SCN3B: variants seen among roughly 807,000 people sequenced by gnomAD.
SCN3B encodes sodium voltage-gated channel beta subunit 3, also known as sodium channel regulatory subunit beta-3.
In SCN3B, 11 loss-of-function variants were observed where a neutral mutation model predicts 25.4. The observed-to-expected ratio is 0.43, with a 90% CI of 0.27 to 0.72. The LOEUF is 0.72. Ranked by LOEUF, SCN3B falls within the 30% of genes least tolerant of loss-of-function variation. The probability of loss-of-function intolerance (pLI) is 0.18; values close to 1 mark genes in which losing one functional copy is unlikely to be tolerated. For missense variants in SCN3B, 218 were observed against 278.3 expected, an observed-to-expected ratio of 0.78 and a Z score of 1.54; for synonymous variants, 109 against 110.7, an observed-to-expected ratio of 0.99 and a Z score of 0.09.
At chr11:123,635,277 T>A (rs1057337110) in intron 5 of SCN3B, among the ~76,000 whole-genome samples, 1 of 152,214 alleles carries the variant, frequency 6.6e-6, no homozygotes, top group Non-Finnish European at 1.5e-5. Flanking sequence ...GTCATCTCTC[T>A]CACATATCAG....
At position 123,637,947 on chromosome 11, in the gene SCN3B, T is replaced by G. The variant is rs7128204; in HGVS notation, c.584+239A>C. Among the ~76,000 whole-genome samples the G allele has an allele frequency of 2.4e-3, 366 of 152,250 alleles. 1 individual carries two copies. Among genetic ancestry groups the G allele is most frequent in the African/African-American group, 8.4e-3 (349 of 41,546 alleles). ...TTCAAACATCACTTTGTTTCCTAAG[T>G]GATGTTTGAATTAAGCAAATGTTTA... On this transcript the variant is annotated intron_variant, in intron 5 of 6. Coordinates refer to ENST00000299333, the MANE Select transcript of SCN3B (RefSeq NM_001040151.2).
At chr11:123,654,145 C>T in intron 1 of SCN3B, 81 bp downstream of exon 1, 1 of 438,222 alleles carries the variant, frequency 2.3e-6, no homozygotes. Context: ...CGCTCGTTTG[C>T]GCCCAGGGTA....
In SCN3B at chr11:123,642,591, C is replaced by T; in HGVS notation, c.300G>A (p.Leu100=). 6.2e-7 allele frequency: 1 copy of T among 1,614,228 alleles called. No individual in the cohort carries two copies. The highest frequency in any genetic ancestry group is 8.5e-7 in the Non-Finnish European group (1 of 1,180,038). The change falls in exon 4 of 7, where the codon CTG becomes CTA. Residue 100 remains leucine, a synonymous_variant. Coordinates refer to ENST00000299333, the MANE Select transcript of SCN3B (RefSeq NM_001040151.2). The surrounding 1 kb of genome is among the most constrained non-coding windows in gnomAD (Gnocchi z 4.3). The part of the protein sequence containing the change: ...GRLQWNGSKD[L]QDVSITVLNV... ...TGAGCACAGTGATGGACACGTCCTGCAGGTCCTTGCTGCCATTCCACTGCA... is the reference window on the plus strand; with the variant it reads ...TGAGCACAGTGATGGACACGTCCTGTAGGTCCTTGCTGCCATTCCACTGCA...
intron 3 of SCN3B, among the ~76,000 whole-genome samples, chr11:123,644,575 C>T (rs1955825260): frequency 6.6e-6 from 1 of 151,966 alleles, no homozygotes; most frequent in African/African-American, 2.4e-5. Context: ...AGTTTGAGAC[C>T]AGCCTGGCCA....
chr11:123,643,595 T>C (rs1275398172), intron 3 of SCN3B, among the ~76,000 whole-genome samples: 1 of 152,278 alleles, frequency 6.6e-6, no homozygotes, highest in Admixed American at 6.5e-5. Context: ...ACAGCACAGA[T>C]AGAGAAGGTT....
chr11:123,641,548 C>G (rs1955791579), intron 4 of SCN3B, among the ~76,000 whole-genome samples: 1 of 152,168 alleles, frequency 6.6e-6, no homozygotes, highest in Non-Finnish European at 1.5e-5. Context: ...ATGCCCCACA[C>G]TTTGGCCTGC....
rs139953589 is a variant in SCN3B, at chr11:123,648,281, G to A, written c.56-2531C>T. 7.9e-5 allele frequency among the ~76,000 whole-genome samples: 12 copies of A among 152,320 alleles called. No individual in the cohort carries two copies. In the East Asian group the frequency reaches 2.3e-3, roughly 29 times the overall value. On this transcript the variant is annotated intron_variant, in intron 2 of 6. Coordinates refer to ENST00000299333, the MANE Select transcript of SCN3B (RefSeq NM_001040151.2). The stretch of plus-strand genomic sequence containing the variant: ...ATCTGGCAACTGAAGAGTTGGGTTT[G>A]ATGTACTATGTAATCTCTCTGGACT...
chr11:123,638,117 C>T (rs1459543172), intron 5 of SCN3B, 69 bp downstream of exon 5: 28 of 1,584,124 alleles, frequency 1.8e-5, no homozygotes, highest in Non-Finnish European at 2.2e-5. Context: ...CTGCTTAGCA[C>T]CTCACCTGTG....
intron 5 of SCN3B, among the ~76,000 whole-genome samples, chr11:123,637,198 T>C (rs1029953316): frequency 2.0e-5 from 3 of 152,144 alleles, no homozygotes; most frequent in Non-Finnish European, 4.4e-5. Context: ...CTAGAGTCTC[T>C]GAGCAAATGG....
chr11:123,650,334 A>G (rs1157320948), intron 2 of SCN3B, among the ~76,000 whole-genome samples: 1 of 152,184 alleles, frequency 6.6e-6, no homozygotes, highest in Non-Finnish European at 1.5e-5. Flanking sequence ...TTTCCTCCTG[A>G]GATTGCTCTA....
chr11:123,653,595 C>T, intron 2 of SCN3B, 152 bp downstream of exon 2: 1 of 881,256 alleles, frequency 1.1e-6, no homozygotes. Context: ...AATCCCAGCT[C>T]TCATGGAACC....
Position 123,632,593 on chromosome 11 carries a change from G to C in SCN3B, c.*1206C>G, listed in dbSNP as rs72553904. On this transcript the variant is annotated 3_prime_UTR_variant, in exon 7 of 7. Transcript: ENST00000299333. ...ATTTGAGGTCAGGAGTTCAAGACTA[G>C]CCTGGCCAACATAGTCAAACCCTGT... 4.6e-5 allele frequency: 7 copies of C among 152,260 alleles called. No homozygotes were observed. Among genetic ancestry groups the C allele is most frequent in the African/African-American group, 1.7e-4 (7 of 41,526 alleles). The allele number at this position is 152,260 out of a possible 1,614,324, so 9.4% of individuals were successfully genotyped here.
At chr11:123,633,887 C>T in intron 6 of SCN3B, 111 bp from the exon 7 acceptor site, 1 of 466,146 alleles carries the variant, frequency 2.1e-6, no homozygotes, top group Non-Finnish European at 4.0e-6. Context: ...CCTCTGTTAC[C>T]ATGGGCAAGT....
intron 2 of SCN3B, among the ~76,000 whole-genome samples, chr11:123,653,176 AG>A (rs1384348328): frequency 6.6e-6 from 1 of 152,188 alleles, no homozygotes; most frequent in Non-Finnish European, 1.5e-5. Flanking sequence ...AAGAAGAAAA[AG>A]AAAGATGCAT....
intron 3 of SCN3B, 91 bp downstream of exon 3, chr11:123,645,496 T>TGCTA: frequency 1.5e-6 from 2 of 1,305,642 alleles, no homozygotes; most frequent in Middle Eastern, 3.7e-4. Flanking sequence ...AGCCAGTGTT[T>TGCTA]GCTAGCTTGG....
At chr11:123,648,868 T>G (rs1278794994) in intron 2 of SCN3B, among the ~76,000 whole-genome samples, 2 of 151,994 alleles carry the variant, frequency 1.3e-5, no homozygotes, top group East Asian at 3.9e-4. Flanking sequence ...GTAGGAGGGA[T>G]GGGGAGGGCC....
intron 2 of SCN3B, among the ~76,000 whole-genome samples, chr11:123,648,712 T>A (rs1955884364): frequency 6.6e-6 from 1 of 152,218 alleles, no homozygotes; most frequent in African/African-American, 2.4e-5. Flanking sequence ...TATACACATA[T>A]CTGTGTGAAG....
chr11:123,636,029 G>A (rs1161216041), intron 5 of SCN3B, among the ~76,000 whole-genome samples: 2 of 152,108 alleles, frequency 1.3e-5, no homozygotes, highest in African/African-American at 4.8e-5. Flanking sequence ...AGATCAATTT[G>A]GGAGAAAATT....
chr11:123,635,660 T>C (rs1955715732), intron 5 of SCN3B, among the ~76,000 whole-genome samples: 1 of 150,908 alleles, frequency 6.6e-6, no homozygotes, highest in South Asian at 2.1e-4. Context: ...CACTCCAGCC[T>C]GGGCAACAGA....
Sources: allele counts gnomAD v4.1 joint callset (sites outside exome capture counted in the v4.1 genomes callset), GRCh38; gene constraint gnomAD v4.1.1; non-coding constraint Gnocchi (gnomAD v3.1); transcripts MANE v1.5; gene names NCBI Gene and HGNC (gene_info 2026-07-23, HGNC 2026-07-21).